The following NUFIP1 variants were observed in gnomAD, a reference collection of about 807,000 sequenced individuals.
The protein encoded by NUFIP1 is FMR1-interacting protein NUFIP1.
A neutral mutation model predicts 56.2 loss-of-function variants in NUFIP1; 38 were observed. The ratio of observed to expected loss-of-function variants is 0.68; its 90% CI spans 0.52 to 0.89. The LOEUF (loss-of-function observed/expected upper bound fraction) is 0.89. Ranked by LOEUF, NUFIP1 falls within the 40% of genes least tolerant of loss-of-function variation. NUFIP1 has a pLI of 0.00. For missense variants in NUFIP1, 567 were observed against 605.8 expected, an observed-to-expected ratio of 0.94 and a Z score of 0.67; for synonymous variants, 215 against 212.4, an observed-to-expected ratio of 1.01 and a Z score of -0.10.
In NUFIP1 at chr13:44,989,457, C is replaced by G. The variant is rs764320337; in HGVS notation, c.-21G>C. 6.2e-7 allele frequency: 1 copy of G among 1,610,502 alleles called. No individual in the cohort carries two copies. The highest frequency in any genetic ancestry group is 2.2e-5 in the East Asian group (1 of 44,808). Reference sequence around the variant, plus strand: ...GCCATACCACTGGCGGGTCCGGAGTCTAGCACGCGACTGTGGAGCAAGCAT... The same window carrying G: ...GCCATACCACTGGCGGGTCCGGAGTGTAGCACGCGACTGTGGAGCAAGCAT... On this transcript the variant is annotated 5_prime_UTR_variant, in exon 1 of 10. Coordinates refer to ENST00000379161, the MANE Select transcript of NUFIP1 (RefSeq NM_012345.3).
intron 1 of NUFIP1, among the ~76,000 whole-genome samples, chr13:44,983,209 CTT>C (rs1178476044): frequency 1.3e-5 from 2 of 152,006 alleles, no homozygotes; most frequent in African/African-American, 2.4e-5. Flanking sequence ...CAGTTTCGCT[CTT>C]GTTGGCCAGC....
chr13:44,981,347 T>C (rs1375166530), intron 2 of NUFIP1, among the ~76,000 whole-genome samples: 1 of 151,236 alleles, frequency 6.6e-6, no homozygotes, highest in Admixed American at 6.6e-5. Flanking sequence ...AAAAAGTATG[T>C]CAAGAAGGTA....
intron 9 of NUFIP1, among the ~76,000 whole-genome samples, chr13:44,941,596 C>T (rs2137888151): frequency 6.6e-6 from 1 of 152,366 alleles, no homozygotes; most frequent in East Asian, 1.9e-4. Context: ...TCACTGCAAG[C>T]TCCGCCTCCC....
At chr13:44,958,556 G>C (rs866426667) in intron 7 of NUFIP1, among the ~76,000 whole-genome samples, 1 of 151,918 alleles carries the variant, frequency 6.6e-6, no homozygotes, top group Admixed American at 6.6e-5. Context: ...CTTGCCACTC[G>C]TAAGTTCAAA....
At chr13:44,948,024 A>AT (rs1870952169) in intron 8 of NUFIP1, among the ~76,000 whole-genome samples, 1 of 151,796 alleles carries the variant, frequency 6.6e-6, no homozygotes, top group African/African-American at 2.4e-5. Flanking sequence ...TGTAAACACC[A>AT]TTTTTCATAT....
chr13:44,989,375 G>T lies in NUFIP1; in HGVS notation c.62C>A (p.Thr21Asn), dbSNP rs1368477790. 2 of 1,613,400 alleles carry T rather than the reference G, an allele frequency of 1.2e-6. No homozygotes were observed. Among genetic ancestry groups the T allele is most frequent in the Admixed American group, 3.3e-5 (2 of 59,926 alleles). Reference sequence around the variant, plus strand: ...GTCGCTCAGGGGCCCTAACGTGGGAGTCAGCTCGGGAGACGCATGCCACCC... The same window carrying T: ...GTCGCTCAGGGGCCCTAACGTGGGATTCAGCTCGGGAGACGCATGCCACCC... Reference protein sequence around the residue: ...PIGWHASPELTPTLGPLSDTA... With the variant: ...PIGWHASPELNPTLGPLSDTA... Residue 21 changes from threonine to asparagine, a missense_variant, in exon 1 of 10, where the codon ACT becomes AAT. Coordinates refer to ENST00000379161, the MANE Select transcript of NUFIP1 (RefSeq NM_012345.3).
intron 8 of NUFIP1, among the ~76,000 whole-genome samples, chr13:44,948,141 C>CTTTTTT (rs61398364): frequency 1.7e-4 from 20 of 120,824 alleles, no homozygotes; most frequent in East Asian, 1.2e-3. Flanking sequence ...ACTACATTTC[C>CTTTTTT]TTTTTTTTTT....
At chr13:44,954,225 G>A (rs1871158561) in intron 7 of NUFIP1, among the ~76,000 whole-genome samples, 2 of 152,140 alleles carry the variant, frequency 1.3e-5, no homozygotes, top group African/African-American at 4.8e-5. Flanking sequence ...GACAGAACCA[G>A]ACTTTAGCAT....
chr13:44,962,019 T>C (rs575376512), intron 6 of NUFIP1, among the ~76,000 whole-genome samples: 6 of 152,190 alleles, frequency 3.9e-5, no homozygotes, highest in Non-Finnish European at 7.4e-5. Context: ...TAATCAACCA[T>C]CTAAAAATAG....
chr13:44,983,549 C>T (rs1365767380), intron 1 of NUFIP1, among the ~76,000 whole-genome samples: 1 of 151,786 alleles, frequency 6.6e-6, no homozygotes, highest in Non-Finnish European at 1.5e-5. Flanking sequence ...ATAATTCCAA[C>T]ACTTTGGGAG....
rs760520805 is a variant in NUFIP1, at chr13:44,959,428, G to A, written c.974C>T (p.Pro325Leu). The A allele has an allele frequency of 4.5e-5, 72 of 1,613,860 alleles. No individual in the cohort carries two copies. Among genetic ancestry groups the A allele is most frequent in the Admixed American group, 3.0e-4 (18 of 59,964 alleles). Residue 325 changes from proline (P) to leucine (L), a missense_variant, in exon 7 of 10, where the codon CCG becomes CTG. Physicochemically the swap from Pro to Leu is moderately conservative, Grantham distance 98. Transcript: ENST00000379161. ...ACCAAGAGGATCTGCATTTGCCTCC[G>A]GTGGACCTTCTAGCTTCAAATCACA... Reference protein sequence around the residue: ...HLCDLKLEGPPEANADPLGVL... With the variant: ...HLCDLKLEGPLEANADPLGVL...
intron 6 of NUFIP1, among the ~76,000 whole-genome samples, chr13:44,960,889 C>G (rs557780373): frequency 1.3e-4 from 20 of 152,052 alleles, no homozygotes; most frequent in African/African-American, 4.3e-4. Flanking sequence ...TTCGTCTCTA[C>G]TAAAATACAA....
intron 9 of NUFIP1, among the ~76,000 whole-genome samples, chr13:44,942,057 T>C (rs1870758806): frequency 1.3e-5 from 2 of 151,072 alleles, no homozygotes; most frequent in Non-Finnish European, 3.0e-5. Flanking sequence ...ACAGGCATGC[T>C]CCACCATGCC....
intron 8 of NUFIP1, 57 bp from the exon 9 acceptor site, chr13:44,943,731 C>G: frequency 7.4e-7 from 1 of 1,359,034 alleles, no homozygotes; most frequent in Non-Finnish European, 1.0e-6. Context: ...AACAGGTAGA[C>G]CTTTCAAAAG....
chr13:44,941,735 G>A (rs895099760), intron 9 of NUFIP1, among the ~76,000 whole-genome samples: 4 of 151,880 alleles, frequency 2.6e-5, no homozygotes, highest in South Asian at 4.2e-4. Flanking sequence ...GGATGGTCTC[G>A]ATCTCCTGAC....
Position 44,959,493 on chromosome 13 carries a change from A to T in NUFIP1, c.909T>A (p.Asn303Lys), listed in dbSNP as rs768170454. The change falls in exon 7 of 10, where the codon AAT (asparagine) becomes AAA (lysine). Residue 303 changes from asparagine (N) to lysine (K), a missense_variant. By Grantham distance (94) the Asn-to-Lys change is moderately conservative. Transcript: ENST00000379161. ...ATCCAGTGACTGCTCTCTGTCTAGAATTGTCGTTTTTCCATTTGTGATTCT... is the reference window on the plus strand; with the variant it reads ...ATCCAGTGACTGCTCTCTGTCTAGATTTGTCGTTTTTCCATTTGTGATTCT... ...PGKNHKWKND[N>K]SRQRAVTGSG... is the part of the protein sequence containing the mutation. 4 of 1,614,078 alleles carry T rather than the reference A, an allele frequency of 2.5e-6. No individual in the cohort carries two copies. The highest frequency in any genetic ancestry group is 1.7e-5 in the Admixed American group (1 of 59,996).
At chr13:44,986,855 T>C (rs1168496154) in intron 1 of NUFIP1, among the ~76,000 whole-genome samples, 1 of 152,126 alleles carries the variant, frequency 6.6e-6, no homozygotes, top group Non-Finnish European at 1.5e-5. Context: ...ACTGTTGAAA[T>C]GACAACAAAG....
rs551181526 is a variant in NUFIP1, at chr13:44,966,748, C to T, written c.735-812G>A. Among the ~76,000 whole-genome samples, 22 of 151,734 alleles carry T rather than the reference C, an allele frequency of 1.4e-4. No individual in the cohort carries two copies. The East Asian group carries it at 3.7e-3, about 26-fold the overall frequency. ...CAGCATTTTGGGAGGTTGAGGTGGGCGGATCATTTGAGGTCAGGAGTTCGA... is the reference window on the plus strand; with the variant it reads ...CAGCATTTTGGGAGGTTGAGGTGGGTGGATCATTTGAGGTCAGGAGTTCGA... On this transcript the variant is annotated intron_variant, in intron 5 of 9. Transcript: ENST00000379161.
In NUFIP1 at chr13:44,958,524, C is replaced by T. The variant is rs140102043; in HGVS notation, c.1021+857G>A. On this transcript the variant is annotated intron_variant, in intron 7 of 9. Coordinates refer to ENST00000379161, the MANE Select transcript of NUFIP1 (RefSeq NM_012345.3). The stretch of plus-strand genomic sequence containing the variant: ...TCTTTTTCCATCCTAATTCAGTCAA[C>T]GAATTAGTTATCCTCTCTTTTCTTG... Among the ~76,000 whole-genome samples, 858 of 152,236 alleles carry T rather than the reference C, an allele frequency of 5.6e-3. 6 individuals carry two copies. Among genetic ancestry groups the T allele is most frequent in the African/African-American group, 0.019 (799 of 41,536 alleles).
Sources: allele counts gnomAD v4.1 joint callset (sites outside exome capture counted in the v4.1 genomes callset), GRCh38; gene constraint gnomAD v4.1.1; transcripts MANE v1.5; gene names NCBI Gene and HGNC (gene_info 2026-07-23, HGNC 2026-07-21).